Variants in TAFA5 observed in about 807,000 individuals in gnomAD.
TAFA5 encodes TAFA chemokine like family member 5.
TAFA5 carries 6 observed loss-of-function variants against 15.3 expected under a neutral mutation model. That is an observed-to-expected ratio of 0.39 (90% CI 0.21 to 0.77). TAFA5 has a LOEUF of 0.77. Ranked by LOEUF, TAFA5 falls within the 30% of genes least tolerant of loss-of-function variation. The pLI is 0.41. For synonymous variants in TAFA5, 103 were observed against 80.7 expected (o/e 1.28, Z -1.48); for missense variants, 161 against 193.1 (o/e 0.83, Z 0.98).
intron 3 of TAFA5, among the ~76,000 whole-genome samples, chr22:48,708,367 C>T (rs1042082066): frequency 6.6e-6 from 1 of 152,206 alleles, no homozygotes; most frequent in Non-Finnish European, 1.5e-5. Flanking sequence ...TCCTCTCTGT[C>T]CCCCTGAGTG....
At chr22:48,602,683 G>A (rs1925018241) in intron 1 of TAFA5, among the ~76,000 whole-genome samples, 1 of 152,210 alleles carries the variant, frequency 6.6e-6, no homozygotes, top group Non-Finnish European at 1.5e-5. Flanking sequence ...CGCCGCACAT[G>A]TCTGTTGGAC....
chr22:48,585,976 C>T (rs1924343721), intron 1 of TAFA5, among the ~76,000 whole-genome samples: 1 of 152,242 alleles, frequency 6.6e-6, no homozygotes, highest in South Asian at 2.1e-4. Flanking sequence ...TGCAGCTCAC[C>T]CCGTGGGCCC....
At chr22:48,643,392 T>G (rs1169400966) in intron 1 of TAFA5, among the ~76,000 whole-genome samples, 1 of 152,148 alleles carries the variant, frequency 6.6e-6, no homozygotes, top group Non-Finnish European at 1.5e-5. Context: ...TGGTTCGAAT[T>G]GTGTCCCTGA....
At position 48,629,865 on chromosome 22, in the gene TAFA5, G is replaced by A. The variant is rs118071302; in HGVS notation, c.113-16732G>A. On this transcript the variant is annotated intron_variant, in intron 1 of 3. Coordinates refer to ENST00000402357, the MANE Select transcript of TAFA5 (RefSeq NM_001082967.3). The stretch of plus-strand genomic sequence containing the variant: ...GGATGGGAGAGGGCAGATGCCACCC[G>A]GCAACGCCGAGTGTCCTCCCGGCAG... Among the ~76,000 whole-genome samples, 315 of 152,304 alleles carry A rather than the reference G, an allele frequency of 2.1e-3. 10 individuals carry two copies. In the East Asian group the frequency reaches 0.052, roughly 25 times the overall value.
intron 3 of TAFA5, among the ~76,000 whole-genome samples, chr22:48,712,547 T>A (rs1350769437): frequency 6.6e-6 from 1 of 152,204 alleles, no homozygotes; most frequent in Non-Finnish European, 1.5e-5. Context: ...GGGAGAAGCC[T>A]TTCTCCTAGG....
At chr22:48,646,521 G>C in intron 1 of TAFA5, 76 bp from the exon 2 acceptor site, 1 of 1,546,432 alleles carries the variant, frequency 6.5e-7, no homozygotes, top group South Asian at 1.2e-5. Flanking sequence ...CCCTCTGTGG[G>C]TGGGCTCTGG....
intron 3 of TAFA5, among the ~76,000 whole-genome samples, chr22:48,727,943 CAAAT>C (rs1929758236): frequency 6.6e-6 from 1 of 152,076 alleles, no homozygotes; most frequent in Non-Finnish European, 1.5e-5. Context: ...AACACAATTA[CAAAT>C]AAATTATATG....
chr22:48,672,263 C>T (rs922368500), intron 2 of TAFA5, among the ~76,000 whole-genome samples: 1 of 152,242 alleles, frequency 6.6e-6, no homozygotes, highest in Non-Finnish European at 1.5e-5. Context: ...CTGCTGCTTG[C>T]ATCTGCGTGC....
At chr22:48,535,579 T>C (rs2147115411) in intron 1 of TAFA5, among the ~76,000 whole-genome samples, 1 of 152,272 alleles carries the variant, frequency 6.6e-6, no homozygotes, top group South Asian at 2.1e-4. Flanking sequence ...TATATGCATA[T>C]GTGTAGATGC....
At chr22:48,630,512 C>T (rs1926181489) in intron 1 of TAFA5, among the ~76,000 whole-genome samples, 1 of 152,174 alleles carries the variant, frequency 6.6e-6, no homozygotes, top group Admixed American at 6.5e-5. Flanking sequence ...GTTGTGTCCA[C>T]AACTTTCCAG....
rs539097913 is a variant in TAFA5, at chr22:48,542,285, T to C, written c.112+52581T>C. On this transcript the variant is annotated intron_variant, in intron 1 of 3. Coordinates refer to ENST00000402357, the MANE Select transcript of TAFA5 (RefSeq NM_001082967.3). Reference sequence around the variant, plus strand: ...GTGTGTGGTGTGTGTGGGGGGTGTGTGTGCATGTGTGATGTGTGTGTAGTG... The same window carrying C: ...GTGTGTGGTGTGTGTGGGGGGTGTGCGTGCATGTGTGATGTGTGTGTAGTG... Among the ~76,000 whole-genome samples, 44 of 108,766 alleles carry C rather than the reference T, an allele frequency of 4.0e-4. No individual in the cohort carries two copies. In the South Asian group the frequency reaches 0.018, roughly 44 times the overall value. 71.4% of individuals were successfully genotyped at this position (108,766 alleles called of 152,430 possible). A position where few individuals can be genotyped will look rare whatever the true frequency, so the allele number is the denominator to read the frequency against.
At chr22:48,534,031 A>G (rs1278570525) in intron 1 of TAFA5, among the ~76,000 whole-genome samples, 1 of 151,678 alleles carries the variant, frequency 6.6e-6, no homozygotes, top group Admixed American at 6.6e-5. Flanking sequence ...TGGAGAAGGA[A>G]CTCTCCTTTC....
intron 1 of TAFA5, chr22:48,546,885 G>A (rs868373835): frequency 6.1e-5 from 16 of 263,606 alleles, no homozygotes; most frequent in Non-Finnish European, 1.1e-4. Context: ...TGTTACTACC[G>A]ACTGTCTTGA....
rs1206826870 is a variant in TAFA5 at position 48,601,802 on chromosome 22, T to A, written c.113-44795T>A. On this transcript the variant is annotated intron_variant, in intron 1 of 3. Transcript: ENST00000402357. ...ACACACCCCACGCCATCTGTGAGAG[T>A]GCGCCCTACGCCTTTCCACGTTTCA... Among the ~76,000 whole-genome samples, 4 of 152,178 alleles carry A rather than the reference T, an allele frequency of 2.6e-5. No homozygotes were observed. The South Asian group carries it at 6.2e-4, about 24-fold the overall frequency.
chr22:48,629,909 G>A (rs1926155744), intron 1 of TAFA5, among the ~76,000 whole-genome samples: 1 of 152,248 alleles, frequency 6.6e-6, no homozygotes, highest in African/African-American at 2.4e-5. Flanking sequence ...GGGCACCTGG[G>A]AAATTGGAGC....
At chr22:48,747,439 C>T (rs1930360146) in intron 3 of TAFA5, among the ~76,000 whole-genome samples, 1 of 152,166 alleles carries the variant, frequency 6.6e-6, no homozygotes, top group Non-Finnish European at 1.5e-5. Flanking sequence ...GGCTGGGATT[C>T]GGTATGTATT....
intron 1 of TAFA5, among the ~76,000 whole-genome samples, chr22:48,564,848 C>A (rs1052759378): frequency 6.6e-6 from 1 of 152,228 alleles, no homozygotes; most frequent in Non-Finnish European, 1.5e-5. Context: ...GGACAGCTAC[C>A]CCATGGTGGG....
At chr22:48,748,785 G>A (rs1930399232) in intron 3 of TAFA5, among the ~76,000 whole-genome samples, 1 of 152,210 alleles carries the variant, frequency 6.6e-6, no homozygotes, top group African/African-American at 2.4e-5. Flanking sequence ...GCAGTTGCGA[G>A]ACCCTCATCA....
At chr22:48,641,563 C>A (rs1277847766) in intron 1 of TAFA5, among the ~76,000 whole-genome samples, 2 of 147,464 alleles carry the variant, frequency 1.4e-5, no homozygotes, top group Non-Finnish European at 3.0e-5. Flanking sequence ...ACGATGCCCT[C>A]CCCTTCCCCC....
Sources: gnomAD v4.1 joint callset for allele counts (sites outside exome capture counted in the v4.1 genomes callset) on GRCh38, gnomAD v4.1.1 for gene constraint, MANE v1.5 for transcripts, NCBI Gene and HGNC (gene_info 2026-07-23, HGNC 2026-07-21) for gene names.